Variants in C3orf22 observed in about 807,000 individuals in gnomAD.
The protein encoded by C3orf22 is chromosome 3 open reading frame 22.
Under a neutral mutation model 10.8 loss-of-function variants are expected in C3orf22, and 7 were observed. The observed-to-expected ratio is 0.65, with a 90% CI of 0.37 to 1.22. The LOEUF is 1.22. Among genes scored for constraint, C3orf22 ranks in the 50% most tolerant of loss-of-function variants. The pLI, the probability that C3orf22 is intolerant of heterozygous loss-of-function variation, is 0.02. For missense variants in C3orf22, 173 were observed against 177.0 expected, an observed-to-expected ratio of 0.98 and a Z score of 0.13; for synonymous variants, 79 against 78.9, an observed-to-expected ratio of 1.00 and a Z score of 0.00.
chr3:126,536,021 A>C (rs1170730245), intron 4 of C3orf22, among the ~76,000 whole-genome samples: 1 of 152,182 alleles, frequency 6.6e-6, no homozygotes. Flanking sequence ...CCTCTTGCCT[A>C]GTACCCTCCA....
chr3:126,551,297 A>C (rs868568177), intron 3 of C3orf22, among the ~76,000 whole-genome samples: 2 of 152,122 alleles, frequency 1.3e-5, no homozygotes, highest in African/African-American at 2.4e-5. Flanking sequence ...CCAGGGCATC[A>C]GTGGGGCCGG....
exon 5 of C3orf22, chr3:126,529,186 G>A (rs1290552277): frequency 1.5e-6 from 1 of 674,198 alleles, no homozygotes; most frequent in Non-Finnish European, 2.3e-6. Context: ...GAGGAGGATG[G>A]TCGTGCTTCT....
rs1412024989 is a variant in C3orf22 at position 126,552,190 on chromosome 3, C to T, written c.90-68G>A. On this transcript the variant is annotated intron_variant, in intron 2 of 3. Transcript: ENST00000318225. ...GCCTCCTGAAGTAACTCTCACTCAT[C>T]TGGAACTTTCCATCTGCTAGGCACT... The T allele has an allele frequency of 5.6e-6, 9 of 1,605,652 alleles. No homozygotes were observed. The East Asian group carries it at 1.8e-4, about 32-fold the overall frequency.
chr3:126,550,106 G>C (rs766184972), intron 3 of C3orf22, 28 bp from the exon 4 acceptor site: 1 of 1,611,898 alleles, frequency 6.2e-7, no homozygotes, highest in South Asian at 1.1e-5. Flanking sequence ...AGCCACGCCT[G>C]GCCTTCAGGA....
intron 4 of C3orf22, among the ~76,000 whole-genome samples, chr3:126,530,004 T>C (rs1936618570): frequency 1.3e-5 from 2 of 152,102 alleles, no homozygotes; most frequent in African/African-American, 4.8e-5. Flanking sequence ...ACAAGGGAGT[T>C]TGGGATGATG....
At chr3:126,532,049 T>C (rs1218161908) in intron 4 of C3orf22, among the ~76,000 whole-genome samples, 1 of 152,246 alleles carries the variant, frequency 6.6e-6, no homozygotes, top group African/African-American at 2.4e-5. Flanking sequence ...TTCATGTGCT[T>C]ATTGCTGTAG....
intron 4 of C3orf22, among the ~76,000 whole-genome samples, chr3:126,534,629 T>C: frequency 6.6e-6 from 1 of 150,522 alleles, no homozygotes; most frequent in East Asian, 2.0e-4. Flanking sequence ...ACAGACAGCA[T>C]CCCTGTCCTC....
intron 4 of C3orf22, among the ~76,000 whole-genome samples, chr3:126,534,828 CAT>C (rs559254887): frequency 3.7e-4 from 55 of 150,088 alleles, no homozygotes; most frequent in African/African-American, 1.3e-3. Context: ...AGGAGACAGA[CAT>C]ACACAGAGAG....
chr3:126,556,856 A>C (rs922148497), intron 1 of C3orf22, among the ~76,000 whole-genome samples: 3 of 147,982 alleles, frequency 2.0e-5, no homozygotes, highest in Admixed American at 1.3e-4. Context: ...CCCCCCACAC[A>C]CAGACTCACA....
At chr3:126,543,066 C>G (rs1180482830) in intron 4 of C3orf22, 1 of 152,400 alleles carries the variant, frequency 6.6e-6, no homozygotes, top group African/African-American at 2.4e-5. Context: ...ATGGGGCCGT[C>G]CCGGGAGCCA....
intron 4 of C3orf22, among the ~76,000 whole-genome samples, chr3:126,537,041 G>T (rs1490749): frequency 0.12 from 17,561 of 152,122 alleles, 1,639 homozygotes; most frequent in African/African-American, 0.26. Context: ...TCCCCTAGTG[G>T]AGCCACCAGT....
exon 5 of C3orf22, chr3:126,529,305 C>A: frequency 8.5e-6 from 11 of 1,288,996 alleles, no homozygotes; most frequent in Non-Finnish European, 1.1e-5. Flanking sequence ...TGGCCTTGAG[C>A]AGCTCTCTCT....
At chr3:126,536,882 C>CACACACACAA in intron 4 of C3orf22, among the ~76,000 whole-genome samples, 1 of 125,188 alleles carries the variant, frequency 8.0e-6, no homozygotes, top group African/African-American at 3.7e-5. Context: ...CTCTCTTTCT[C>CACACACACAA]ACACACACAC....
At chr3:126,538,272 T>C (rs1225776276) in intron 4 of C3orf22, among the ~76,000 whole-genome samples, 1 of 152,254 alleles carries the variant, frequency 6.6e-6, no homozygotes, top group African/African-American at 2.4e-5. Flanking sequence ...TGTTGACTTC[T>C]GTCATAGAGC....
exon 5 of C3orf22, chr3:126,529,333 T>C: frequency 7.8e-7 from 1 of 1,289,330 alleles, no homozygotes; most frequent in Non-Finnish European, 1.0e-6. Context: ...TTCCCTGGGC[T>C]GGTATTTCCT....
chr3:126,549,268 CACACAT>C (rs1397044714), downstream of C3orf22, among the ~76,000 whole-genome samples: 2 of 149,096 alleles, frequency 1.3e-5, no homozygotes, highest in African/African-American at 5.1e-5. Flanking sequence ...CCCCCACACA[CACACAT>C]ACACACACCG....
chr3:126,528,861 C>T (rs983125266), intron 5 of C3orf22, among the ~76,000 whole-genome samples: 5 of 152,192 alleles, frequency 3.3e-5, no homozygotes, highest in African/African-American at 1.2e-4. Context: ...GGCCTGATCC[C>T]CAGAAGGAAT....
chr3:126,551,720 C>G (rs1483063621), intron 3 of C3orf22, among the ~76,000 whole-genome samples: 1 of 152,228 alleles, frequency 6.6e-6, no homozygotes, highest in Admixed American at 6.5e-5. Flanking sequence ...TCCTGCTGCA[C>G]TGAGGCCAGT....
chr3:126,549,915 A>T lies in C3orf22; in HGVS notation c.379T>A (p.Cys127Ser). 6.2e-7 allele frequency: 1 copy of T among 1,614,058 alleles called. No individual in the cohort carries two copies. Among genetic ancestry groups the T allele is most frequent in the Non-Finnish European group, 8.5e-7 (1 of 1,179,998 alleles). The change falls in exon 4 of 4, where the codon TGC becomes AGC. Residue 127 changes from cysteine to serine, a missense_variant. Transcript: ENST00000318225. ...CCTGCCGCCTTGCTGGTCTGGGGGCAGGCAGCCTCAGTGTGCCGGGTGGAC... is the reference window on the plus strand; with the variant it reads ...CCTGCCGCCTTGCTGGTCTGGGGGCTGGCAGCCTCAGTGTGCCGGGTGGAC... ...LLSTRHTEAA[C>S]PQTSKAAGLS...
Sources: gnomAD v4.1 joint callset for allele counts (sites outside exome capture counted in the v4.1 genomes callset) on GRCh38, gnomAD v4.1.1 for gene constraint, MANE v1.5 for transcripts, NCBI Gene and HGNC (gene_info 2026-07-23, HGNC 2026-07-21) for gene names.